Variants in PIP4K2C observed in about 807,000 individuals in gnomAD.
PIP4K2C encodes phosphatidylinositol 5-phosphate 4-kinase type-2 gamma.
A neutral mutation model predicts 45.0 loss-of-function variants in PIP4K2C; 21 were observed. That is an observed-to-expected ratio of 0.47 (90% CI 0.33 to 0.67). PIP4K2C has a LOEUF of 0.67. Ranked by LOEUF, PIP4K2C falls within the 30% of genes least tolerant of loss-of-function variation. PIP4K2C has a pLI of 0.02. For missense variants in PIP4K2C, 456 were observed against 542.8 expected, an observed-to-expected ratio of 0.84 and a Z score of 1.59; for synonymous variants, 201 against 204.8, an observed-to-expected ratio of 0.98 and a Z score of 0.16.
chr12:57,593,258 C>T (rs756277339), intron 1 of PIP4K2C, among the ~76,000 whole-genome samples: 5 of 152,042 alleles, frequency 3.3e-5, no homozygotes, highest in Non-Finnish European at 1.5e-5. Context: ...GGAGAAAGCA[C>T]GGCTCAGGAT....
chr12:57,599,167 A>G lies in PIP4K2C; in HGVS notation c.616A>G (p.Met206Val), dbSNP rs775647061. ...CAGCTACATGCTTGTGATGCGCAAT[A>G]TGTTTAGCCACCGTCTTCCTGTGCA... ...EDSYMLVMRN[M>V]FSHRLPVHRK... is the part of the protein sequence containing the mutation. The change falls in exon 5 of 10, where the codon ATG (methionine) becomes GTG (valine). Residue 206 changes from methionine (M) to valine (V), a missense_variant. By Grantham distance (21) the Met-to-Val change is conservative. Coordinates refer to ENST00000354947, the MANE Select transcript of PIP4K2C (RefSeq NM_024779.5). 4 of 1,614,172 alleles carry G rather than the reference A, an allele frequency of 2.5e-6. No homozygotes were observed. The highest frequency in any genetic ancestry group is 2.5e-6 in the Non-Finnish European group (3 of 1,180,026).
chr12:57,596,314 C>T (rs1353167053), intron 4 of PIP4K2C, among the ~76,000 whole-genome samples: 3 of 152,022 alleles, frequency 2.0e-5, no homozygotes, highest in African/African-American at 4.8e-5. Flanking sequence ...GGAGAAACCC[C>T]GTCTCTACTA....
chr12:57,601,751 G>A lies in PIP4K2C; in HGVS notation c.*145G>A. 1 of 699,674 alleles carries A rather than the reference G, an allele frequency of 1.4e-6. No homozygotes were observed. The highest frequency in any genetic ancestry group is 2.5e-6 in the Non-Finnish European group (1 of 394,876). 43.3% of individuals were successfully genotyped at this position (699,674 alleles called of 1,614,324 possible). ...CCTTCCATCCAGATAACTCCATCCTGTCGAGTAGGCTCTTTCTGACCCTCA... is the reference window on the plus strand; with the variant it reads ...CCTTCCATCCAGATAACTCCATCCTATCGAGTAGGCTCTTTCTGACCCTCA... On this transcript the variant is annotated 3_prime_UTR_variant, in exon 10 of 10. Coordinates refer to ENST00000354947, the MANE Select transcript of PIP4K2C (RefSeq NM_024779.5).
chr12:57,594,838 C>T (rs7486419), intron 2 of PIP4K2C, among the ~76,000 whole-genome samples: 6 of 152,014 alleles, frequency 3.9e-5, no homozygotes, highest in Non-Finnish European at 8.8e-5. Context: ...GGCATGGTGG[C>T]GCATGCCTGT....
intron 4 of PIP4K2C, 55 bp from the exon 5 acceptor site, chr12:57,599,010 G>A (rs1037373524): frequency 1.3e-6 from 2 of 1,580,684 alleles, no homozygotes; most frequent in African/African-American, 2.7e-5. Flanking sequence ...TCCCTGGGCT[G>A]TTTGTGTATC....
Position 57,591,365 on chromosome 12 carries a change from T to TC in PIP4K2C, c.78dup (p.Lys27GlnfsTer35). The TC allele has an allele frequency of 6.2e-7, 1 of 1,613,728 alleles. No homozygotes were observed. The highest frequency in any genetic ancestry group is 2.2e-5 in the East Asian group (1 of 44,854). On this transcript the variant is annotated frameshift_variant, in exon 1 of 10. Coordinates refer to ENST00000354947, the MANE Select transcript of PIP4K2C (RefSeq NM_024779.5). LOFTEE classifies it high-confidence loss of function. ...CCCCGGCCCAGGTTTCGGCTTCGCC[T>TC]CCAAGACCAAGAAGAAGCATTTCGT...
intron 4 of PIP4K2C, 134 bp downstream of exon 4, chr12:57,596,165 A>C: frequency 1.5e-5 from 17 of 1,106,808 alleles, no homozygotes; most frequent in East Asian, 2.4e-5. Context: ...CCAGCCCTAA[A>C]TGGGATGAGG....
chr12:57,600,539 T>C, intron 7 of PIP4K2C, 102 bp downstream of exon 7: 1 of 869,398 alleles, frequency 1.2e-6, no homozygotes, highest in Non-Finnish European at 1.8e-6. Context: ...CCCTTCCCTT[T>C]ATTCTTCAGG....
rs1883142861 is a variant in PIP4K2C, at chr12:57,595,324, T to C, written c.369+102T>C. The C allele has an allele frequency of 5.0e-6, 4 of 793,422 alleles. No individual in the cohort carries two copies. In the East Asian group the frequency reaches 1.0e-4, roughly 20 times the overall value. The allele number at this position is 793,422 out of a possible 1,614,324, so 49.1% of individuals were successfully genotyped here. ...GGAGAAATGAGAGTCTTGGCAAATA[T>C]AATTCTTTACCTTTTTGTGATTGCA... is the stretch of plus-strand genomic sequence containing the variant. On this transcript the variant is annotated intron_variant, in intron 3 of 9. Coordinates refer to ENST00000354947, the MANE Select transcript of PIP4K2C (RefSeq NM_024779.5).
chr12:57,600,942 G>A lies in PIP4K2C; in HGVS notation c.945G>A (p.Leu315=), dbSNP rs1883406113. 1.2e-6 allele frequency: 2 copies of A among 1,614,218 alleles called. No homozygotes were observed. Among genetic ancestry groups the A allele is most frequent in the African/African-American group, 2.7e-5 (2 of 75,058 alleles). The part of the protein sequence containing the change: ...DESEVDGDCS[L]TGPPALVGSY... ...CAGAGGTGGATGGGGACTGCAGCCT[G>A]ACTGGACCTCCTGCTCTGGTGGGCT... is the stretch of plus-strand genomic sequence containing the variant. Residue 315 remains leucine (L), a synonymous_variant, in exon 8 of 10, where the codon CTG becomes CTA. Transcript: ENST00000354947.
rs1344814293 is a variant in PIP4K2C, at chr12:57,601,761, C to T, written c.*155C>T. 1 of 658,372 alleles carries T rather than the reference C, an allele frequency of 1.5e-6. No individual in the cohort carries two copies. The highest frequency in any genetic ancestry group is 2.7e-6 in the Non-Finnish European group (1 of 370,048). The allele number at this position is 658,372 out of a possible 1,614,324, so 40.8% of individuals were successfully genotyped here. On this transcript the variant is annotated 3_prime_UTR_variant, in exon 10 of 10. Coordinates refer to ENST00000354947, the MANE Select transcript of PIP4K2C (RefSeq NM_024779.5). ...AGATAACTCCATCCTGTCGAGTAGG[C>T]TCTTTCTGACCCTCAGAAATACATT...
chr12:57,593,339 GTGA>G (rs964147787), intron 1 of PIP4K2C, among the ~76,000 whole-genome samples: 3 of 152,202 alleles, frequency 2.0e-5, no homozygotes, highest in African/African-American at 7.2e-5. Context: ...AGGAGAGCAT[GTGA>G]TGCTTGTGTC....
In PIP4K2C at chr12:57,595,233, A is replaced by T; in HGVS notation, c.369+11A>T. The T allele has an allele frequency of 6.4e-7, 1 of 1,560,224 alleles. No homozygotes were observed. Among genetic ancestry groups the T allele is most frequent in the Non-Finnish European group, 8.8e-7 (1 of 1,130,976 alleles). Reference sequence around the variant, plus strand: ...GACCAAGATTACTTGGTGAGAGTCCATTAAGGGGTGAGGGTAGCCCTTTCT... The same window carrying T: ...GACCAAGATTACTTGGTGAGAGTCCTTTAAGGGGTGAGGGTAGCCCTTTCT... On this transcript the variant is annotated intron_variant, in intron 3 of 9. Transcript: ENST00000354947.
chr12:57,600,801 T>C lies in PIP4K2C; in HGVS notation c.814-10T>C, dbSNP rs764822656. ...GAGAGAGAGGTGTCTGATTTGTCAG[T>C]GGGTCTCAGTTTCTAGTGCAGCTGA... On this transcript the variant is annotated splice_polypyrimidine_tract_variant and intron_variant, in intron 7 of 9. Transcript: ENST00000354947. 1.9e-6 allele frequency: 3 copies of C among 1,613,774 alleles called. No homozygotes were observed. The highest frequency in any genetic ancestry group is 2.2e-5 in the South Asian group (2 of 91,076).
At chr12:57,594,755 A>C (rs866112453) in intron 2 of PIP4K2C, among the ~76,000 whole-genome samples, 19 of 152,156 alleles carry the variant, frequency 1.2e-4, no homozygotes, top group African/African-American at 4.1e-4. Flanking sequence ...GGATCACTTG[A>C]GGTCAGGAGT....
At position 57,601,639 on chromosome 12, in the gene PIP4K2C, G is replaced by C. The variant is rs1594944386; in HGVS notation, c.*33G>C. 1 of 1,550,270 alleles carries C rather than the reference G, an allele frequency of 6.5e-7. No individual in the cohort carries two copies. Among genetic ancestry groups the C allele is most frequent in the Non-Finnish European group, 8.9e-7 (1 of 1,121,988 alleles). The stretch of plus-strand genomic sequence containing the variant: ...CCTGGTTCTCTCTGATGTTCAAGGT[G>C]GTGGGGTTCTGAGACACTTGGGGGA... On this transcript the variant is annotated 3_prime_UTR_variant, in exon 10 of 10. Coordinates refer to ENST00000354947, the MANE Select transcript of PIP4K2C (RefSeq NM_024779.5).
chr12:57,592,966 T>C (rs1247359296), intron 1 of PIP4K2C, among the ~76,000 whole-genome samples: 1 of 150,088 alleles, frequency 6.7e-6, no homozygotes, highest in East Asian at 2.0e-4. Flanking sequence ...ACGGGAGGAG[T>C]TGGTTGCACT....
intron 1 of PIP4K2C, among the ~76,000 whole-genome samples, chr12:57,593,426 C>T (rs1056780595): frequency 2.0e-5 from 3 of 146,862 alleles, no homozygotes; most frequent in Non-Finnish European, 3.0e-5. Context: ...TGCCTGCATT[C>T]GCTCTGAAAT....
chr12:57,594,367 C>A (rs1337885379), intron 2 of PIP4K2C, among the ~76,000 whole-genome samples: 3 of 152,166 alleles, frequency 2.0e-5, no homozygotes, highest in Admixed American at 6.5e-5. Flanking sequence ...TGCTCTTTCT[C>A]TCTTTTTCTG....
Sources: allele counts gnomAD v4.1 joint callset (sites outside exome capture counted in the v4.1 genomes callset), GRCh38; gene constraint gnomAD v4.1.1; transcripts MANE v1.5; gene names NCBI Gene and HGNC (gene_info 2026-07-23, HGNC 2026-07-21).